ITCH: variants seen among roughly 807,000 people sequenced by gnomAD.
The protein encoded by ITCH is itchy E3 ubiquitin protein ligase, also known as E3 ubiquitin-protein ligase Itchy homolog.
ITCH carries 28 observed loss-of-function variants against 126.8 expected under a neutral mutation model. The observed-to-expected ratio is 0.22, with a 90% CI of 0.16 to 0.30. ITCH has a LOEUF of 0.30. Among genes scored for constraint, ITCH ranks in the 10% least tolerant of loss-of-function variants. The pLI, the probability that ITCH is intolerant of heterozygous loss-of-function variation, is 1.00. For missense variants in ITCH, 631 were observed against 1,032.4 expected (o/e 0.61, Z 5.33); for synonymous variants, 342 against 340.0 (o/e 1.01, Z -0.06).
At chr20:34,484,766 AATATAT>A (rs1988993453) in intron 20 of ITCH, among the ~76,000 whole-genome samples, 1 of 152,164 alleles carries the variant, frequency 6.6e-6, no homozygotes, top group South Asian at 2.1e-4. Flanking sequence ...AAATTTGACA[AATATAT>A]ATATCAGCCC....
chr20:34,483,718 A>G (rs763000504), intron 20 of ITCH, among the ~76,000 whole-genome samples: 13 of 152,132 alleles, frequency 8.5e-5, no homozygotes, highest in Non-Finnish European at 1.5e-4. Flanking sequence ...AACTGTTCCA[A>G]CGTCTGCCTG....
intron 11 of ITCH, among the ~76,000 whole-genome samples, chr20:34,448,941 C>T (rs948821616): frequency 6.6e-6 from 1 of 152,092 alleles, no homozygotes; most frequent in Non-Finnish European, 1.5e-5. Context: ...TCTGGCAGCC[C>T]ACTCTTCCTG....
At chr20:34,481,278 A>T in intron 20 of ITCH, 72 bp downstream of exon 20, 1 of 1,402,200 alleles carries the variant, frequency 7.1e-7, no homozygotes, top group Non-Finnish European at 1.0e-6. Flanking sequence ...ACTAATACTA[A>T]TGGAGAGTAT....
chr20:34,475,651 G>T (rs1026491276), intron 16 of ITCH, among the ~76,000 whole-genome samples: 3 of 151,848 alleles, frequency 2.0e-5, no homozygotes, highest in Non-Finnish European at 4.4e-5. Flanking sequence ...CGTGGAAAGA[G>T]AGGGAGAGCG....
intron 3 of ITCH, among the ~76,000 whole-genome samples, chr20:34,397,625 G>T (rs1343122799): frequency 2.0e-5 from 3 of 152,256 alleles, no homozygotes; most frequent in Non-Finnish European, 2.9e-5. Flanking sequence ...CCACATCATA[G>T]AATTTTTTCG....
Position 34,457,371 on chromosome 20 carries a change from G to A in ITCH, c.1211-19G>A, listed in dbSNP as rs1428198589. ...CAATGCTAATGCTTTGCTTTCCCCT[G>A]CCCCTGCCCTTCCCAAAGAGAAGAG... On this transcript the variant is annotated intron_variant, in intron 12 of 24. Transcript: ENST00000374864. 1.9e-6 allele frequency: 3 copies of A among 1,575,166 alleles called. No homozygotes were observed. The highest frequency in any genetic ancestry group is 3.3e-5 in the Admixed American group (2 of 59,730).
At chr20:34,428,900 G>A (rs1326666393) in intron 7 of ITCH, among the ~76,000 whole-genome samples, 1 of 152,082 alleles carries the variant, frequency 6.6e-6, no homozygotes, top group Non-Finnish European at 1.5e-5. Flanking sequence ...GGGGAACAAA[G>A]TTATAGTAGC....
intron 2 of ITCH, among the ~76,000 whole-genome samples, chr20:34,392,898 C>T (rs1170345655): frequency 6.6e-6 from 1 of 151,956 alleles, no homozygotes; most frequent in Non-Finnish European, 1.5e-5. Flanking sequence ...CCAGAACACC[C>T]CAGCTTGGGT....
chr20:34,444,671 TC>T (rs1013678579), intron 10 of ITCH, among the ~76,000 whole-genome samples: 2 of 152,156 alleles, frequency 1.3e-5, no homozygotes, highest in African/African-American at 4.8e-5. Context: ...AGATGGAGAC[TC>T]ACTCTGTTGC....
chr20:34,405,118 G>T (rs547952410), intron 3 of ITCH, among the ~76,000 whole-genome samples: 1 of 147,108 alleles, frequency 6.8e-6, no homozygotes, highest in Non-Finnish European at 1.5e-5. Context: ...CTCCAGCCTG[G>T]GTGACAGAAC....
intron 3 of ITCH, among the ~76,000 whole-genome samples, chr20:34,400,809 G>C (rs939339258): frequency 3.9e-5 from 6 of 151,958 alleles, no homozygotes; most frequent in African/African-American, 1.5e-4. Flanking sequence ...CCAGGCTGGA[G>C]TGCAGTGACT....
chr20:34,479,487 G>T, intron 17 of ITCH, 143 bp from the exon 18 acceptor site: 1 of 680,514 alleles, frequency 1.5e-6, no homozygotes, highest in Non-Finnish European at 2.5e-6. Flanking sequence ...ATGTGAGTTT[G>T]AACAGAAGCA....
chr20:34,402,626 C>A, intron 3 of ITCH: 1 of 606,080 alleles, frequency 1.6e-6, no homozygotes, highest in South Asian at 1.7e-5. Flanking sequence ...GGTACATATT[C>A]TGATGGAAAT....
At chr20:34,375,696 A>ATTTTTTTTTTTTTTTTTTTTTTTTTT (rs5841171) in intron 2 of ITCH, among the ~76,000 whole-genome samples, 4 of 65,554 alleles carry the variant, frequency 6.1e-5, no homozygotes, top group Non-Finnish European at 1.1e-4. Flanking sequence ...GGTAGTTAAA[A>ATTTTTTTTTTTTTTTTTTTTTTTTTT]TTTTTTTTTT....
At chr20:34,442,168 C>A in intron 9 of ITCH, 40 bp from the exon 10 acceptor site, 5 of 1,448,774 alleles carry the variant, frequency 3.5e-6, no homozygotes, top group South Asian at 2.3e-5. Flanking sequence ...CCAGGTAACT[C>A]ATGCAAGTAT....
chr20:34,443,095 C>T (rs1234964055), intron 10 of ITCH, among the ~76,000 whole-genome samples: 2 of 151,810 alleles, frequency 1.3e-5, no homozygotes, highest in South Asian at 2.1e-4. Context: ...AGAATTAGAG[C>T]CCAGTCATAT....
intron 16 of ITCH, among the ~76,000 whole-genome samples, chr20:34,472,372 TAAA>T (rs527802058): frequency 1.3e-5 from 1 of 79,688 alleles, no homozygotes; most frequent in African/African-American, 4.4e-5. Flanking sequence ...CATCTCAATT[TAAA>T]AAAAAAAAAA....
At chr20:34,363,881 C>T (rs999057165) in intron 1 of ITCH, among the ~76,000 whole-genome samples, 11 of 152,184 alleles carry the variant, frequency 7.2e-5, no homozygotes, top group Non-Finnish European at 1.0e-4. Context: ...CTCGCCTCCT[C>T]CTTCCATTGT....
Position 34,508,981 on chromosome 20 carries a change from C to A in ITCH, c.*1187C>A, listed in dbSNP as rs1422170776. 6.6e-6 allele frequency: 1 copy of A among 152,292 alleles called. No individual in the cohort carries two copies. The highest frequency in any genetic ancestry group is 2.4e-5 in the African/African-American group (1 of 41,428). The allele number at this position is 152,292 out of a possible 1,614,324, so 9.4% of individuals were successfully genotyped here. A position where few individuals can be genotyped will look rare whatever the true frequency, so the allele number is the denominator to read the frequency against. On this transcript the variant is annotated 3_prime_UTR_variant, in exon 25 of 25. Coordinates refer to ENST00000374864, the MANE Select transcript of ITCH (RefSeq NM_031483.7). ...CATCCAGTAACCACAGGAATATATTCTCTGTGAATTAAAAGTCTTCAAAGT... is the reference window on the plus strand; with the variant it reads ...CATCCAGTAACCACAGGAATATATTATCTGTGAATTAAAAGTCTTCAAAGT...
Sources: allele counts gnomAD v4.1 joint callset (sites outside exome capture counted in the v4.1 genomes callset), GRCh38; gene constraint gnomAD v4.1.1; transcripts MANE v1.5; gene names NCBI Gene and HGNC (gene_info 2026-07-23, HGNC 2026-07-21).